The following TMEM131 variants were observed in gnomAD, a reference collection of about 807,000 sequenced individuals.
TMEM131 encodes transmembrane protein 131.
A neutral mutation model predicts 211.6 loss-of-function variants in TMEM131; 66 were observed. The ratio of observed to expected loss-of-function variants is 0.31; its 90% CI spans 0.26 to 0.38. TMEM131 has a LOEUF of 0.38. TMEM131 is among the 10% of genes least tolerant of loss of function. TMEM131 has a pLI of 1.00. For synonymous variants in TMEM131, 844 were observed against 841.3 expected, an observed-to-expected ratio of 1.00 and a Z score of -0.06; for missense variants, 2,036 against 2,299.3, an observed-to-expected ratio of 0.89 and a Z score of 2.34.
chr2:97,776,139 C>T (rs1046724232), intron 31 of TMEM131, 121 bp from the exon 32 acceptor site: 22 of 988,462 alleles, frequency 2.2e-5, no homozygotes, highest in South Asian at 1.2e-4. Context: ...CTGCAAGCTC[C>T]GCCTCCCGGG....
At chr2:97,758,592 A>C (rs1237261778) in intron 40 of TMEM131, among the ~76,000 whole-genome samples, 6 of 152,226 alleles carry the variant, frequency 3.9e-5, no homozygotes, top group Non-Finnish European at 8.8e-5. Flanking sequence ...TGGTCCATTT[A>C]CAGGTTGGGA....
intron 1 of TMEM131, among the ~76,000 whole-genome samples, chr2:97,977,325 T>A (rs1487703846): frequency 6.6e-6 from 1 of 152,018 alleles, no homozygotes; most frequent in Non-Finnish European, 1.5e-5. Flanking sequence ...AATAAGAAAA[T>A]AGCCTAATAA....
chr2:97,978,976 T>C (rs1679667852), intron 1 of TMEM131, among the ~76,000 whole-genome samples: 1 of 152,232 alleles, frequency 6.6e-6, no homozygotes. Flanking sequence ...TACTTCTTGA[T>C]CCTTGGCTGC....
intron 1 of TMEM131, among the ~76,000 whole-genome samples, chr2:97,944,163 C>T (rs1005209377): frequency 5.3e-5 from 8 of 152,134 alleles, no homozygotes; most frequent in African/African-American, 1.9e-4. Flanking sequence ...AGAAACAAAC[C>T]CTCGCATTTA....
At chr2:97,838,426 C>CTTTTTTTTTTTTTTTTTTTTTTT (rs753635047) in intron 7 of TMEM131, among the ~76,000 whole-genome samples, 1 of 89,094 alleles carries the variant, frequency 1.1e-5, no homozygotes, top group African/African-American at 4.3e-5. Flanking sequence ...TAAGCTTAAA[C>CTTTTTTTTTTTTTTTTTTTTTTT]TTTTTTTTTT....
chr2:97,770,973 G>A (rs1679437204), intron 33 of TMEM131, among the ~76,000 whole-genome samples: 1 of 152,162 alleles, frequency 6.6e-6, no homozygotes, highest in African/African-American at 2.4e-5. Flanking sequence ...TCTCTAGCTA[G>A]TAGCCCAGTG....
At chr2:97,873,798 A>T (rs1674583593) in intron 4 of TMEM131, among the ~76,000 whole-genome samples, 1 of 152,230 alleles carries the variant, frequency 6.6e-6, no homozygotes, top group African/African-American at 2.4e-5. Context: ...AATTCCAAAA[A>T]TCAGAAGGTC....
At position 97,796,415 on chromosome 2, in the gene TMEM131, A is replaced by G. The variant is rs1238439795; in HGVS notation, c.3014-11T>C. 1 of 1,468,982 alleles carries G rather than the reference A, an allele frequency of 6.8e-7. No homozygotes were observed. The highest frequency in any genetic ancestry group is 2.5e-5 in the East Asian group (1 of 39,302). 91.0% of individuals were successfully genotyped at this position (1,468,982 alleles called of 1,614,324 possible). A position where few individuals can be genotyped will look rare whatever the true frequency, so the allele number is the denominator to read the frequency against. On this transcript the variant is annotated splice_polypyrimidine_tract_variant and intron_variant, in intron 27 of 40. Coordinates refer to ENST00000186436, the MANE Select transcript of TMEM131 (RefSeq NM_015348.2). ...CTCTTAGTTTTAAACCTAAAGGATA[A>G]AAAATCAGGAATAAGACTAAATCTT...
At chr2:97,870,859 A>G (rs1481849792) in intron 4 of TMEM131, among the ~76,000 whole-genome samples, 1 of 152,240 alleles carries the variant, frequency 6.6e-6, no homozygotes, top group African/African-American at 2.4e-5. Context: ...TTTAGATTGA[A>G]GGCTGAGCTG....
intron 4 of TMEM131, among the ~76,000 whole-genome samples, chr2:97,878,720 A>T (rs760762065): frequency 1.3e-5 from 2 of 152,198 alleles, no homozygotes; most frequent in Non-Finnish European, 2.9e-5. Context: ...TAGAGGAGGG[A>T]TAACATTAGG....
chr2:97,969,394 C>T (rs904113427), intron 1 of TMEM131, among the ~76,000 whole-genome samples: 8 of 152,180 alleles, frequency 5.3e-5, no homozygotes, highest in African/African-American at 1.9e-4. Context: ...CCCAACACCT[C>T]CTTCCCTGAC....
chr2:97,880,251 A>G (rs1313041052), intron 4 of TMEM131, among the ~76,000 whole-genome samples: 2 of 152,206 alleles, frequency 1.3e-5, no homozygotes, highest in Non-Finnish European at 1.5e-5. Context: ...GAGGACATAT[A>G]AGGAAGGTAA....
At chr2:97,821,776 G>C (rs778110708) in intron 11 of TMEM131, among the ~76,000 whole-genome samples, 1 of 152,106 alleles carries the variant, frequency 6.6e-6, no homozygotes, top group Non-Finnish European at 1.5e-5. Context: ...AGTTAAAAGC[G>C]ACTGGCACAG....
chr2:97,852,527 G>T (rs1024442879), intron 5 of TMEM131, among the ~76,000 whole-genome samples: 11 of 152,220 alleles, frequency 7.2e-5, no homozygotes, highest in African/African-American at 2.7e-4. Flanking sequence ...ATTCTGTGAA[G>T]GCTGAGAGAG....
intron 2 of TMEM131, among the ~76,000 whole-genome samples, chr2:97,925,434 G>T (rs757856707): frequency 6.6e-6 from 1 of 152,198 alleles, no homozygotes; most frequent in East Asian, 1.9e-4. Context: ...TCTTAGGAAC[G>T]GTCTGATCTT....
At chr2:97,881,975 T>G (rs747425944) in intron 4 of TMEM131, among the ~76,000 whole-genome samples, 1 of 152,246 alleles carries the variant, frequency 6.6e-6, no homozygotes, top group Non-Finnish European at 1.5e-5. Flanking sequence ...TCTGTTTTCC[T>G]TTAGCAGTCA....
In TMEM131 at chr2:97,759,755, T is replaced by C. The variant is rs1433857145; in HGVS notation, c.5109-6A>G. The C allele has an allele frequency of 1.2e-6, 2 of 1,609,464 alleles. No homozygotes were observed. The highest frequency in any genetic ancestry group is 1.7e-6 in the Non-Finnish European group (2 of 1,177,514). Reference sequence around the variant, plus strand: ...CGGGACTCCACAAACCCGAGCTAAATGTTACAAGAGGAAAACGCAACACAC... The same window carrying C: ...CGGGACTCCACAAACCCGAGCTAAACGTTACAAGAGGAAAACGCAACACAC... On this transcript the variant is annotated splice_polypyrimidine_tract_variant and splice_region_variant and intron_variant, in intron 38 of 40. Transcript: ENST00000186436.
chr2:97,948,652 CT>C (rs137894541), intron 1 of TMEM131, among the ~76,000 whole-genome samples: 3 of 149,410 alleles, frequency 2.0e-5, no homozygotes, highest in Admixed American at 6.7e-5. Context: ...TCAGTAGTTT[CT>C]TTTTTTTTTA....
At chr2:97,930,091 C>T (rs571701306) in intron 1 of TMEM131, among the ~76,000 whole-genome samples, 1 of 151,682 alleles carries the variant, frequency 6.6e-6, no homozygotes, top group East Asian at 1.9e-4. Flanking sequence ...TTGGTTATTC[C>T]CTACTGAAGA....
Sources: allele counts gnomAD v4.1 joint callset (sites outside exome capture counted in the v4.1 genomes callset), GRCh38; gene constraint gnomAD v4.1.1; transcripts MANE v1.5; gene names NCBI Gene and HGNC (gene_info 2026-07-23, HGNC 2026-07-21).